ANKRD31: variants seen among roughly 807,000 people sequenced by gnomAD.
ANKRD31 encodes the protein ankyrin repeat domain 31.
Under a neutral mutation model 186.0 loss-of-function variants are expected in ANKRD31, and 147 were observed. The ratio of observed to expected loss-of-function variants is 0.79; its 90% CI spans 0.69 to 0.91. The LOEUF (loss-of-function observed/expected upper bound fraction) is 0.91. ANKRD31 is among the 40% of genes least tolerant of loss of function. The pLI, the probability that ANKRD31 is intolerant of heterozygous loss-of-function variation, is 0.00. For missense variants in ANKRD31, 1,986 were observed against 2,148.8 expected (o/e 0.92, Z 1.50); for synonymous variants, 673 against 736.4 (o/e 0.91, Z 1.39).
chr5:75,143,975 A>G (rs1053569717), intron 15 of ANKRD31, 26 bp downstream of exon 15: 1 of 396,820 alleles, frequency 2.5e-6, no homozygotes, highest in Non-Finnish European at 4.4e-6. Context: ...GTAAACTTTA[A>G]CCTATACAAT....
Position 75,139,001 on chromosome 5 carries a change from A to C in ANKRD31, c.3596-18T>G. On this transcript the variant is annotated intron_variant, in intron 15 of 25. Coordinates refer to ENST00000506364, the MANE Select transcript of ANKRD31 (RefSeq NM_001372053.1). ...TTTCATTCCTGTAAATTTGCCAAAC[A>C]AGAGGTTTATTTTCTGCCAAATGCT... The C allele has an allele frequency of 6.5e-7, 1 of 1,535,268 alleles. No homozygotes were observed. Among genetic ancestry groups the C allele is most frequent in the East Asian group, 2.4e-5 (1 of 40,840 alleles).
chr5:75,211,015 T>C, intron 3 of ANKRD31, 150 bp from the exon 4 acceptor site: 1 of 571,942 alleles, frequency 1.7e-6, no homozygotes. Flanking sequence ...ACTATCTATT[T>C]ACTATCTGTA....
chr5:75,189,216 C>A (rs1754938968), intron 9 of ANKRD31, among the ~76,000 whole-genome samples: 1 of 152,152 alleles, frequency 6.6e-6, no homozygotes, highest in African/African-American at 2.4e-5. Context: ...TTTTTATTTA[C>A]TAAGCCAGAA....
chr5:75,146,353 C>T lies in ANKRD31; in HGVS notation c.3058G>A (p.Glu1020Lys). The change falls in exon 14 of 26, where the codon GAG becomes AAG. Residue 1020 changes from glutamate to lysine, a missense_variant. Transcript: ENST00000506364. ...ACATGATTAGTCAACTTTGAAGCCTCATGTGTCAAAAGTGTTCTCATACAA... is the reference window on the plus strand; with the variant it reads ...ACATGATTAGTCAACTTTGAAGCCTTATGTGTCAAAAGTGTTCTCATACAA... The part of the protein sequence containing the change: ...LACMRTLLTH[E>K]ASKLTNHVEL... The T allele has an allele frequency of 6.5e-7, 1 of 1,536,554 alleles. No homozygotes were observed. Among genetic ancestry groups the T allele is most frequent in the South Asian group, 1.2e-5 (1 of 84,040 alleles).
intron 22 of ANKRD31, among the ~76,000 whole-genome samples, chr5:75,102,186 G>C (rs62369193): frequency 0.095 from 14,458 of 152,168 alleles, 981 homozygotes; most frequent in East Asian, 0.24. Flanking sequence ...TTGGGAGTTT[G>C]CTGCAGGTCC....
intron 17 of ANKRD31, among the ~76,000 whole-genome samples, chr5:75,122,601 TTCCA>T (rs2150091893): frequency 6.6e-6 from 1 of 152,258 alleles, no homozygotes; most frequent in Admixed American, 6.5e-5. Flanking sequence ...GTGGGTTGTA[TTCCA>T]GGGATGCAAG....
chr5:75,175,646 AAC>A (rs10532266), intron 10 of ANKRD31, among the ~76,000 whole-genome samples: 79,394 of 147,422 alleles, frequency 0.54, 21,926 homozygotes, highest in East Asian at 0.63. Context: ...TACCTCAGAA[AAC>A]ACACACACAC....
intron 17 of ANKRD31, among the ~76,000 whole-genome samples, chr5:75,130,185 C>G (rs568075641): frequency 1.5e-4 from 23 of 152,168 alleles, no homozygotes; most frequent in African/African-American, 5.1e-4. Flanking sequence ...AAAGGTGGCA[C>G]GTCTGGAGTT....
chr5:75,146,341 A>G lies in ANKRD31; in HGVS notation c.3070T>C (p.Leu1024=). ...TTGAATAGCTCCACATGATTAGTCA[A>G]CTTTGAAGCCTCATGTGTCAAAAGT... is the stretch of plus-strand genomic sequence containing the variant. ...RTLLTHEASK[L]TNHVELFKKP... Residue 1024 remains leucine, a synonymous_variant, in exon 14 of 26, where the codon TTG becomes CTG. Transcript: ENST00000506364. 5 of 1,536,624 alleles carry G rather than the reference A, an allele frequency of 3.3e-6. No homozygotes were observed. The highest frequency in any genetic ancestry group is 4.4e-6 in the Non-Finnish European group (5 of 1,146,522).
intron 15 of ANKRD31, among the ~76,000 whole-genome samples, chr5:75,142,254 C>A (rs937877330): frequency 6.6e-6 from 1 of 152,070 alleles, no homozygotes; most frequent in Non-Finnish European, 1.5e-5. Context: ...TATCTCATTT[C>A]TTGTATTCTT....
At chr5:75,077,222 C>T (rs1744714509) in intron 25 of ANKRD31, among the ~76,000 whole-genome samples, 1 of 152,108 alleles carries the variant, frequency 6.6e-6, no homozygotes, top group African/African-American at 2.4e-5. Flanking sequence ...ACATGCCCCA[C>T]CATGCCCAGC....
At position 75,145,722 on chromosome 5, in the gene ANKRD31, A is replaced by T. The variant is rs1279485289; in HGVS notation, c.3424+265T>A. Among the ~76,000 whole-genome samples the T allele has an allele frequency of 2.0e-5, 3 of 148,936 alleles. No homozygotes were observed. The Admixed American group carries it at 2.0e-4, about 10-fold the overall frequency. ...GTTCTACACATGTATCCCAGAACTTAAAGTATAATAATAATTATAAAAAAA... is the reference window on the plus strand; with the variant it reads ...GTTCTACACATGTATCCCAGAACTTTAAGTATAATAATAATTATAAAAAAA... On this transcript the variant is annotated intron_variant, in intron 14 of 25. Coordinates refer to ENST00000506364, the MANE Select transcript of ANKRD31 (RefSeq NM_001372053.1).
rs1459306518 is a variant in ANKRD31, at chr5:75,134,955, C to A, written c.3876+2901G>T. On this transcript the variant is annotated intron_variant, in intron 17 of 25. Coordinates refer to ENST00000506364, the MANE Select transcript of ANKRD31 (RefSeq NM_001372053.1). The stretch of plus-strand genomic sequence containing the variant: ...CAACAGTTGCAGAAAAGGCCTGCAA[C>A]AAAAGTCAACAGCCTTCATGCTAAA... 3.3e-5 allele frequency among the ~76,000 whole-genome samples: 5 copies of A among 152,258 alleles called. No individual in the cohort carries two copies. The East Asian group carries it at 9.7e-4, about 29-fold the overall frequency.
intron 25 of ANKRD31, among the ~76,000 whole-genome samples, chr5:75,074,947 T>C (rs992411631): frequency 2.0e-5 from 3 of 152,222 alleles, no homozygotes; most frequent in Non-Finnish European, 4.4e-5. Context: ...TGTCTATATA[T>C]TTCTACACAA....
At chr5:75,180,581 A>G (rs928565966) in intron 10 of ANKRD31, among the ~76,000 whole-genome samples, 9 of 152,188 alleles carry the variant, frequency 5.9e-5, no homozygotes, top group Non-Finnish European at 1.2e-4. Flanking sequence ...GTAATGCCGC[A>G]TATCTACAAC....
At chr5:75,214,055 T>C (rs1409588634) in intron 3 of ANKRD31, among the ~76,000 whole-genome samples, 3 of 152,220 alleles carry the variant, frequency 2.0e-5, no homozygotes, top group African/African-American at 7.2e-5. Context: ...TCTTTCAGAG[T>C]GAGGTACCCA....
chr5:75,184,752 C>T (rs80044650), intron 10 of ANKRD31, among the ~76,000 whole-genome samples: 36 of 152,128 alleles, frequency 2.4e-4, no homozygotes, highest in Non-Finnish European at 4.7e-4. Context: ...AGAACCTTTA[C>T]GCTTTTGGTG....
intron 2 of ANKRD31, among the ~76,000 whole-genome samples, chr5:75,229,864 CAAA>C (rs1210080751): frequency 7.4e-4 from 28 of 37,850 alleles, no homozygotes; most frequent in African/African-American, 3.0e-3. Context: ...GACTCTGTCT[CAAA>C]AAAAAAAAAA....
Position 75,137,914 on chromosome 5 carries a change from CAATT to C in ANKRD31, c.3814_3817del (p.Asn1272ValfsTer4). On this transcript the variant is annotated frameshift_variant, in exon 17 of 26. Transcript: ENST00000506364. LOFTEE classifies it high-confidence loss of function. ...GGGCAGAATTCCATCTATATTTTCA[CAATT>C]AACCTTAGCACCAGCTTTTAATAAC... 2 of 1,533,580 alleles carry C rather than the reference CAATT, an allele frequency of 1.3e-6. No homozygotes were observed. Among genetic ancestry groups the C allele is most frequent in the East Asian group, 2.5e-5 (1 of 40,724 alleles). 95.0% of individuals were successfully genotyped at this position (1,533,580 alleles called of 1,614,324 possible). A position where few individuals can be genotyped will look rare whatever the true frequency, so the allele number is the denominator to read the frequency against.
Sources: allele counts gnomAD v4.1 joint callset (sites outside exome capture counted in the v4.1 genomes callset), GRCh38; gene constraint gnomAD v4.1.1; transcripts MANE v1.5; gene names NCBI Gene and HGNC (gene_info 2026-07-23, HGNC 2026-07-21).